FLNC: variants seen among roughly 807,000 people sequenced by gnomAD.
FLNC encodes filamin C, also known as filamin-C.
FLNC carries 91 observed loss-of-function variants against 254.3 expected under a neutral mutation model. The observed-to-expected ratio is 0.36, with a 90% CI of 0.30 to 0.43. The LOEUF is 0.43. Among genes scored for constraint, FLNC ranks in the 20% least tolerant of loss-of-function variants. The pLI, the probability that FLNC is intolerant of heterozygous loss-of-function variation, is 1.00. For missense variants in FLNC, 2,853 were observed against 3,802.6 expected, an observed-to-expected ratio of 0.75 and a Z score of 6.57; for synonymous variants, 1,430 against 1,577.2, an observed-to-expected ratio of 0.91 and a Z score of 2.21.
chr7:128,848,488 C>G, intron 26 of FLNC, 73 bp from the exon 27 acceptor site: 1 of 1,521,710 alleles, frequency 6.6e-7, no homozygotes, highest in Non-Finnish European at 9.1e-7. Flanking sequence ...AGGACTCTGG[C>G]TCAAGATGAG....
In FLNC at chr7:128,853,529, A is replaced by G. The variant is rs779412191; in HGVS notation, c.6269A>G (p.Asp2090Gly). 6.2e-7 allele frequency: 1 copy of G among 1,614,076 alleles called. No individual in the cohort carries two copies. The highest frequency in any genetic ancestry group is 8.5e-7 in the Non-Finnish European group (1 of 1,180,012). The change falls in exon 38 of 48, where the codon GAC (aspartate) becomes GGC (glycine). Residue 2090 changes from aspartate (D) to glycine (G), a missense_variant. Physicochemically the swap from Asp to Gly is moderately conservative, Grantham distance 94. Around this residue, in one of 10 missense-constraint regions of FLNC, gnomAD observed 551 missense variants for 835.0 expected, o/e 0.66. Coordinates refer to ENST00000325888, the MANE Select transcript of FLNC (RefSeq NM_001458.5). ...AGCAAGGTGGACATCAACTGTGAGGACATGGAGGACGGGACATGCAAAGTC... is the reference window on the plus strand; with the variant it reads ...AGCAAGGTGGACATCAACTGTGAGGGCATGGAGGACGGGACATGCAAAGTC... ...GPSKVDINCE[D>G]MEDGTCKVTY...
chr7:128,843,625 C>T, intron 18 of FLNC, 48 bp downstream of exon 18: 1 of 1,602,806 alleles, frequency 6.2e-7, no homozygotes, highest in East Asian at 2.2e-5. Flanking sequence ...CCGCCAGAGC[C>T]CTGGGTCTCC....
rs754817130 is a variant in FLNC at position 128,856,960 on chromosome 7, G to A, written c.7561+39G>A. The A allele has an allele frequency of 1.9e-6, 3 of 1,608,720 alleles. No homozygotes were observed. Among genetic ancestry groups the A allele is most frequent in the South Asian group, 1.1e-5 (1 of 90,978 alleles). On this transcript the variant is annotated intron_variant, in intron 45 of 47. Coordinates refer to ENST00000325888, the MANE Select transcript of FLNC (RefSeq NM_001458.5). This position sits in a 1 kb window ranked among gnomAD's most constrained non-coding sequence, Gnocchi z 5.9. ...GCTGGGGAACAGGGTGACTTCTGGG[G>A]GTGCTTGGCCACTAGTCTGGTGCTG...
Position 128,837,182 on chromosome 7 carries a change from C to T in FLNC, c.624C>T (p.Ala208=). Residue 208 remains alanine (A), a synonymous_variant, in exon 3 of 48, where the codon GCC becomes GCT. Transcript: ENST00000325888. The part of the protein sequence containing the change: ...CAPGLCPDWE[A]WDPNQPVENA... Reference sequence around the variant, plus strand: ...CAGGTCTCTGCCCCGACTGGGAGGCCTGGGACCCCAACCAGCCCGTGGAGA... The same window carrying T: ...CAGGTCTCTGCCCCGACTGGGAGGCTTGGGACCCCAACCAGCCCGTGGAGA... The T allele has an allele frequency of 6.2e-7, 1 of 1,603,198 alleles. No individual in the cohort carries two copies. Among genetic ancestry groups the T allele is most frequent in the Non-Finnish European group, 8.5e-7 (1 of 1,175,564 alleles).
Position 128,841,966 on chromosome 7 carries a change from C to T in FLNC, c.2122-265C>T, listed in dbSNP as rs1808349939. The stretch of plus-strand genomic sequence containing the variant: ...CAGTTTTAGGAACATAAATTTAGCC[C>T]ACACTCTTCCTGTCCAACACATTTC... On this transcript the variant is annotated intron_variant, in intron 13 of 47. Transcript: ENST00000325888. This position sits in a 1 kb window ranked among gnomAD's most constrained non-coding sequence, Gnocchi z 4.3. 6.6e-6 allele frequency among the ~76,000 whole-genome samples: 1 copy of T among 152,126 alleles called. No homozygotes were observed. The highest frequency in any genetic ancestry group is 2.4e-5 in the African/African-American group (1 of 41,402).
At chr7:128,846,610 T>A in intron 23 of FLNC, 135 bp from the exon 24 acceptor site, 1 of 1,349,080 alleles carries the variant, frequency 7.4e-7, no homozygotes, top group Non-Finnish European at 1.0e-6. Flanking sequence ...GACCCCAGAT[T>A]GGCCCCTGTA....
Position 128,844,389 on chromosome 7 carries a change from G to T in FLNC, c.3192+123G>T. 4.8e-6 allele frequency: 6 copies of T among 1,248,432 alleles called. No homozygotes were observed. In the South Asian group the frequency reaches 9.2e-5, roughly 19 times the overall value. The allele number at this position is 1,248,432 out of a possible 1,614,324, so 77.3% of individuals were successfully genotyped here. A position where few individuals can be genotyped will look rare whatever the true frequency, so the allele number is the denominator to read the frequency against. On this transcript the variant is annotated intron_variant, in intron 20 of 47. Transcript: ENST00000325888. Reference sequence around the variant, plus strand: ...GAGTGGGCACAGCCAAGGGTGTGGGGCTGAGGCCAGCCCCACCCCACCACC... The same window carrying T: ...GAGTGGGCACAGCCAAGGGTGTGGGTCTGAGGCCAGCCCCACCCCACCACC...
intron 36 of FLNC, 34 bp downstream of exon 36, chr7:128,852,786 G>A: frequency 6.2e-7 from 1 of 1,613,466 alleles, no homozygotes; most frequent in Non-Finnish European, 8.5e-7. Flanking sequence ...CCTCAGGGGT[G>A]GGGGCCCACA....
At chr7:128,834,690 AAG>A (rs1554397096) in intron 1 of FLNC, among the ~76,000 whole-genome samples, 2 of 152,198 alleles carry the variant, frequency 1.3e-5, no homozygotes, top group Non-Finnish European at 2.9e-5. Flanking sequence ...ACCAAAAAAA[AAG>A]AGAGTATATA....
At chr7:128,837,139 C>G (rs769554936) in intron 2 of FLNC, 21 bp from the exon 3 acceptor site, 1 of 1,551,358 alleles carries the variant, frequency 6.4e-7, no homozygotes, top group Non-Finnish European at 8.8e-7. Flanking sequence ...TCACCATCGT[C>G]TCCCTCCATC....
intron 9 of FLNC, 114 bp downstream of exon 9, chr7:128,840,274 G>A: frequency 1.5e-6 from 2 of 1,297,170 alleles, no homozygotes; most frequent in Non-Finnish European, 2.2e-6. Flanking sequence ...GCTCCACAGT[G>A]ACCAGAGGCA....
In FLNC at chr7:128,854,192, G is replaced by A. The variant is rs752159793; in HGVS notation, c.6703G>A (p.Gly2235Ser). 8.7e-6 allele frequency: 14 copies of A among 1,608,432 alleles called. No homozygotes were observed. The East Asian group carries it at 1.8e-4, about 21-fold the overall frequency. ...GGGCCGGGAGCGCCTGGGATCCTTC[G>A]GCAGCATCACCCGGCAGCAGGAGGG... ...FLGRERLGSF[G>S]SITRQQEGEA... Residue 2235 changes from glycine to serine, a missense_variant, in exon 40 of 48, where the codon GGC becomes AGC. Coordinates refer to ENST00000325888, the MANE Select transcript of FLNC (RefSeq NM_001458.5).
At chr7:128,844,555 C>T in intron 20 of FLNC, 103 bp from the exon 21 acceptor site, 2 of 1,148,334 alleles carry the variant, frequency 1.7e-6, no homozygotes, top group South Asian at 1.2e-5. Context: ...GCACTCAGTC[C>T]ACAGTAGCAG....
Position 128,851,471 on chromosome 7 carries a change from C to T in FLNC, c.5685C>T (p.Ala1895=), listed in dbSNP as rs1219372997. 1.3e-5 allele frequency: 21 copies of T among 1,613,860 alleles called. No homozygotes were observed. The East Asian group carries it at 1.6e-4, about 12-fold the overall frequency. The change falls in exon 35 of 48, where the codon GCC becomes GCT. Residue 1895 remains alanine, a synonymous_variant. Transcript: ENST00000325888. ...KDAGEGGLSL[A]VEGPSKAEIT... is the part of the protein sequence containing the mutation. ...CACCTACAGGGGGTCTGTCACTGGC[C>T]GTGGAGGGCCCATCCAAGGCAGAGA...
rs775501421 is a variant in FLNC, at chr7:128,840,688, G to A, written c.1676+14G>A. 6.2e-6 allele frequency: 10 copies of A among 1,612,556 alleles called. No homozygotes were observed. Among genetic ancestry groups the A allele is most frequent in the African/African-American group, 2.7e-5 (2 of 74,666 alleles). On this transcript the variant is annotated intron_variant, in intron 10 of 47. Coordinates refer to ENST00000325888, the MANE Select transcript of FLNC (RefSeq NM_001458.5). ...CATCCCTCGCAGGTGAGTACCTTGC[G>A]CCCCCCATGCTGTCCTGTCTAGGCC...
chr7:128,844,257 T>C lies in FLNC; in HGVS notation c.3183T>C (p.Asp1061=). Residue 1061 remains aspartate, a synonymous_variant, in exon 20 of 48, where the codon GAT becomes GAC. Transcript: ENST00000325888. ...PFAVEGVLPP[D]PSKVCAYGPG... ...CTGTGGAGGGTGTCCTGCCCCCTGA[T>C]CCCTCCAAGGTGAGGAGATAGGAGC... The C allele has an allele frequency of 6.2e-7, 1 of 1,607,744 alleles. No individual in the cohort carries two copies. Among genetic ancestry groups the C allele is most frequent in the Non-Finnish European group, 8.5e-7 (1 of 1,176,516 alleles).
Position 128,846,451 on chromosome 7 carries a change from C to T in FLNC, c.4115C>T (p.Thr1372Ile). Residue 1372 changes from threonine to isoleucine, a missense_variant, in exon 23 of 48, where the codon ACT (threonine) becomes ATT (isoleucine). By Grantham distance (89) the Thr-to-Ile change is moderately conservative (BLOSUM62 -1). This residue lies in a region of FLNC where 1,573 missense variants were observed against 1,883.5 expected (regional missense o/e 0.84). Coordinates refer to ENST00000325888, the MANE Select transcript of FLNC (RefSeq NM_001458.5). ...TTGGTCAACAAGGCCAACCGATTCACTGTGGAGACCAGGTATCCTCCCCCT... is the reference window on the plus strand; with the variant it reads ...TTGGTCAACAAGGCCAACCGATTCATTGTGGAGACCAGGTATCCTCCCCCT... Reference protein sequence around the residue: ...GGLVNKANRFTVETRGAGTGG... With the variant: ...GGLVNKANRFIVETRGAGTGG... The T allele has an allele frequency of 1.9e-6, 3 of 1,602,218 alleles. No individual in the cohort carries two copies. Among genetic ancestry groups the T allele is most frequent in the Non-Finnish European group, 2.5e-6 (3 of 1,179,942 alleles).
At chr7:128,847,904 G>A in intron 25 of FLNC, 40 bp downstream of exon 25, 1 of 1,613,814 alleles carries the variant, frequency 6.2e-7, no homozygotes, top group East Asian at 2.2e-5. Context: ...AGGTGGGGCG[G>A]GACGCCCGGA....
rs1215780111 is a variant in FLNC, at chr7:128,851,258, G to A, written c.5566G>A (p.Ala1856Thr). Residue 1856 changes from alanine to threonine, a missense_variant, in exon 34 of 48, where the codon GCC (alanine) becomes ACC (threonine). This residue lies in a region of FLNC where 551 missense variants were observed against 835.0 expected (regional missense o/e 0.66). Transcript: ENST00000325888. ...PGSPLQFYVD[A>T]INSRHVSAYG... ...GAGCCCCTTACAGTTCTATGTGGAT[G>A]CCATCAACAGCCGCCATGTCAGTGC... The A allele has an allele frequency of 6.2e-7, 1 of 1,613,986 alleles. No individual in the cohort carries two copies.
Sources: allele counts gnomAD v4.1 joint callset (sites outside exome capture counted in the v4.1 genomes callset), GRCh38; gene constraint gnomAD v4.1.1; regional missense constraint gnomAD v4.1.1; non-coding constraint Gnocchi (gnomAD v3.1); transcripts MANE v1.5; gene names NCBI Gene and HGNC (gene_info 2026-07-23, HGNC 2026-07-21).